LMNTD1: variants seen among roughly 807,000 people sequenced by gnomAD.
LMNTD1 encodes the protein lamin tail domain containing 1.
LMNTD1 carries 35 observed loss-of-function variants against 50.9 expected under a neutral mutation model. The ratio of observed to expected loss-of-function variants is 0.69; its 90% CI spans 0.53 to 0.91. LMNTD1 has a LOEUF of 0.91. Among genes scored for constraint, LMNTD1 ranks in the 40% least tolerant of loss-of-function variants. The probability of loss-of-function intolerance (pLI) is 0.00; values close to 1 mark genes in which losing one functional copy is unlikely to be tolerated. For missense variants in LMNTD1, 470 were observed against 475.5 expected (o/e 0.99, Z 0.11); for synonymous variants, 153 against 161.9 (o/e 0.94, Z 0.42).
At chr12:25,571,371 A>T (rs1592043416) in intron 1 of LMNTD1, among the ~76,000 whole-genome samples, 1 of 150,430 alleles carries the variant, frequency 6.6e-6, no homozygotes, top group African/African-American at 2.4e-5. Flanking sequence ...TTATTTATTT[A>T]TTTATTTTTT....
intron 8 of LMNTD1, among the ~76,000 whole-genome samples, chr12:25,515,499 G>A (rs1226472229): frequency 6.6e-6 from 1 of 151,934 alleles, no homozygotes; most frequent in Non-Finnish European, 1.5e-5. Context: ...ATGAGAACCA[G>A]AATGATTTAT....
At chr12:25,507,484 A>C (rs964750500) in intron 8 of LMNTD1, among the ~76,000 whole-genome samples, 1 of 152,210 alleles carries the variant, frequency 6.6e-6, no homozygotes, top group African/African-American at 2.4e-5. Context: ...GGCATAAACA[A>C]AAGTATTTCT....
intron 1 of LMNTD1, among the ~76,000 whole-genome samples, chr12:25,599,957 T>G (rs930358623): frequency 1.3e-5 from 2 of 151,870 alleles, no homozygotes; most frequent in African/African-American, 2.4e-5. Flanking sequence ...ATCCTAAAAT[T>G]TATATGGAAC....
At chr12:25,612,328 A>ACATG (rs34069424) in intron 1 of LMNTD1, among the ~76,000 whole-genome samples, 4 of 146,418 alleles carry the variant, frequency 2.7e-5, no homozygotes, top group African/African-American at 1.0e-4. Flanking sequence ...ACACACACAC[A>ACATG]CGCGCTCCCA....
chr12:25,490,713 G>A (rs182985003), intron 9 of LMNTD1, among the ~76,000 whole-genome samples: 4 of 152,232 alleles, frequency 2.6e-5, no homozygotes, highest in Non-Finnish European at 1.5e-5. Context: ...AATCCTAATT[G>A]AATACAGACA....
At chr12:25,558,174 T>C (rs548151428), upstream of LMNTD1, among the ~76,000 whole-genome samples, 56 of 152,366 alleles carry the variant, frequency 3.7e-4, no homozygotes, top group African/African-American at 1.3e-3. Context: ...TCTTCTCTTT[T>C]ATTCTTAGTC....
chr12:25,564,617 T>A (rs895849233), intron 1 of LMNTD1, among the ~76,000 whole-genome samples: 1 of 152,184 alleles, frequency 6.6e-6, no homozygotes, highest in South Asian at 2.1e-4. Context: ...TCAATTTTTT[T>A]AATGTTTTAA....
chr12:25,573,061 G>A (rs895189167), intron 1 of LMNTD1, among the ~76,000 whole-genome samples: 8 of 151,744 alleles, frequency 5.3e-5, no homozygotes, highest in Non-Finnish European at 8.8e-5. Context: ...TGTCTATATC[G>A]CTCTTTCTTG....
intron 9 of LMNTD1, among the ~76,000 whole-genome samples, chr12:25,498,562 A>T (rs1377794528): frequency 6.6e-6 from 1 of 152,174 alleles, no homozygotes; most frequent in Non-Finnish European, 1.5e-5. Flanking sequence ...GAAACTGTGG[A>T]AGTTGTAGAC....
intron 1 of LMNTD1, among the ~76,000 whole-genome samples, chr12:25,583,806 G>A: frequency 6.6e-6 from 1 of 152,184 alleles, no homozygotes; most frequent in East Asian, 1.9e-4. Context: ...GAGCCTCAGG[G>A]TCTTATCAGT....
chr12:25,483,804 G>T (rs1938523392), intron 9 of LMNTD1, among the ~76,000 whole-genome samples: 1 of 151,618 alleles, frequency 6.6e-6, no homozygotes, highest in Non-Finnish European at 1.5e-5. Context: ...ATAGTTGACG[G>T]TTAAAGCTTA....
upstream of LMNTD1, among the ~76,000 whole-genome samples, chr12:25,553,509 T>G (rs1943895131): frequency 6.6e-6 from 1 of 152,174 alleles, no homozygotes; most frequent in Non-Finnish European, 1.5e-5. Flanking sequence ...AAGGCCAGTA[T>G]GTACATACTG....
chr12:25,522,409 T>C (rs1431393814), intron 6 of LMNTD1, among the ~76,000 whole-genome samples: 1 of 152,238 alleles, frequency 6.6e-6, no homozygotes, highest in African/African-American at 2.4e-5. Context: ...TGATAAAATT[T>C]AGCCTCAGCT....
At chr12:25,542,027 A>C (rs918367729) in intron 4 of LMNTD1, among the ~76,000 whole-genome samples, 2 of 151,898 alleles carry the variant, frequency 1.3e-5, no homozygotes, top group Non-Finnish European at 2.9e-5. Flanking sequence ...ATGAGATACC[A>C]TCTCACACCA....
At chr12:25,575,795 C>A (rs1213899858) in intron 1 of LMNTD1, among the ~76,000 whole-genome samples, 1 of 152,072 alleles carries the variant, frequency 6.6e-6, no homozygotes, top group South Asian at 2.1e-4. Flanking sequence ...CCCATTAACT[C>A]GTCACTTCCA....
At chr12:25,583,375 C>T (rs1054408722) in intron 1 of LMNTD1, among the ~76,000 whole-genome samples, 5 of 151,864 alleles carry the variant, frequency 3.3e-5, no homozygotes, top group African/African-American at 1.2e-4. Flanking sequence ...CACTATGTTG[C>T]CCAGGCTGGT....
intron 4 of LMNTD1, among the ~76,000 whole-genome samples, chr12:25,530,530 C>G (rs1461817815): frequency 6.6e-6 from 1 of 152,152 alleles, no homozygotes; most frequent in African/African-American, 2.4e-5. Context: ...CATCTCCCTG[C>G]TGATTTGTAA....
intron 9 of LMNTD1, among the ~76,000 whole-genome samples, chr12:25,495,249 C>CGCGCGTGT (rs1555208226): frequency 7.6e-5 from 11 of 144,668 alleles, no homozygotes; most frequent in Admixed American, 1.4e-4. Flanking sequence ...AAAGTGTGTA[C>CGCGCGTGT]GTGTGTGTGT....
intron 6 of LMNTD1, among the ~76,000 whole-genome samples, chr12:25,521,619 C>A (rs7308050): frequency 6.6e-6 from 1 of 152,146 alleles, no homozygotes; most frequent in African/African-American, 2.4e-5. Flanking sequence ...GTATTGGGAA[C>A]TGCTTTATTG....
Sources: gnomAD v4.1 joint callset for allele counts (sites outside exome capture counted in the v4.1 genomes callset) on GRCh38, gnomAD v4.1.1 for gene constraint, MANE v1.5 for transcripts, NCBI Gene and HGNC (gene_info 2026-07-23, HGNC 2026-07-21) for gene names.